The following GABRB1 variants were observed in gnomAD, a reference collection of about 807,000 sequenced individuals.
GABRB1 encodes the protein gamma-aminobutyric acid receptor subunit beta-1.
GABRB1 carries 17 observed loss-of-function variants against 51.6 expected under a neutral mutation model. That is an observed-to-expected ratio of 0.33 (90% CI 0.23 to 0.49). The LOEUF (loss-of-function observed/expected upper bound fraction) is 0.49. GABRB1 is among the 20% of genes least tolerant of loss of function. The pLI is 0.99. For synonymous variants in GABRB1, 247 were observed against 218.9 expected (o/e 1.13, Z -1.14); for missense variants, 410 against 600.6 (o/e 0.68, Z 3.32).
rs144621878 is a variant in GABRB1, at chr4:47,215,185, G to C, written c.461+53716G>C. On this transcript the variant is annotated intron_variant, in intron 4 of 8. Coordinates refer to ENST00000295454, the MANE Select transcript of GABRB1 (RefSeq NM_000812.4). ...GCTGGATGGGACACCCACAATAATG[G>C]GTGCTATTTATTACAAAATAAAAAT... is the stretch of plus-strand genomic sequence containing the variant. Among the ~76,000 whole-genome samples, 354 of 151,970 alleles carry C rather than the reference G, an allele frequency of 2.3e-3. 1 individual carries two copies. The highest frequency in any genetic ancestry group is 0.021 in the Admixed American group (317 of 15,228).
At chr4:47,246,265 G>T (rs1377101865) in intron 4 of GABRB1, among the ~76,000 whole-genome samples, 1 of 122,084 alleles carries the variant, frequency 8.2e-6, no homozygotes, top group Admixed American at 9.3e-5. Context: ...TCAGGGCTGA[G>T]TAGTATTCCA....
At chr4:47,064,641 CAAAAAAAAAAA>C (rs33963952) in intron 3 of GABRB1, among the ~76,000 whole-genome samples, 2 of 58,234 alleles carry the variant, frequency 3.4e-5, no homozygotes, top group African/African-American at 7.4e-5. Flanking sequence ...GACTCCATCT[CAAAAAAAAAAA>C]AAAAAAAAAA....
intron 5 of GABRB1, among the ~76,000 whole-genome samples, chr4:47,397,672 T>A (rs1362826747): frequency 1.3e-5 from 2 of 152,140 alleles, no homozygotes; most frequent in Non-Finnish European, 2.9e-5. Context: ...GTTCAAGCAA[T>A]TCTCCTCCTT....
chr4:47,358,509 G>A (rs900682715), intron 5 of GABRB1, among the ~76,000 whole-genome samples: 3 of 151,970 alleles, frequency 2.0e-5, no homozygotes, highest in African/African-American at 7.2e-5. Context: ...AGGCTACCAG[G>A]CCAGAGACCC....
At chr4:47,184,117 C>G (rs887242896) in intron 4 of GABRB1, among the ~76,000 whole-genome samples, 4 of 151,888 alleles carry the variant, frequency 2.6e-5, no homozygotes, top group Non-Finnish European at 1.5e-5. Context: ...GTGACCACAC[C>G]TGGTCACTCT....
chr4:47,138,396 C>T (rs899603498), intron 3 of GABRB1, among the ~76,000 whole-genome samples: 8 of 152,028 alleles, frequency 5.3e-5, no homozygotes, highest in African/African-American at 1.9e-4. Flanking sequence ...CACCCAAACC[C>T]TTTCCTTCAG....
intron 3 of GABRB1, among the ~76,000 whole-genome samples, chr4:47,060,090 G>A (rs977548666): frequency 2.6e-5 from 4 of 152,094 alleles, no homozygotes; most frequent in African/African-American, 9.7e-5. Context: ...ATTCTCTGGG[G>A]CACACACCTT....
At chr4:47,016,764 A>G in intron 1 of GABRB1, among the ~76,000 whole-genome samples, 1 of 151,748 alleles carries the variant, frequency 6.6e-6, no homozygotes, top group East Asian at 1.9e-4. Flanking sequence ...TAATTTTTGT[A>G]TTTTTAGTAG....
chr4:47,114,321 T>C (rs750871832), intron 3 of GABRB1, among the ~76,000 whole-genome samples: 13 of 152,184 alleles, frequency 8.5e-5, no homozygotes, highest in Non-Finnish European at 1.8e-4. Flanking sequence ...TTCTGGATTC[T>C]GGTTTTGATT....
intron 1 of GABRB1, among the ~76,000 whole-genome samples, chr4:47,013,285 C>T (rs4393975): frequency 0.97 from 148,040 of 152,254 alleles, 72,007 homozygotes; most frequent in East Asian, 1. Flanking sequence ...TTTAAAATTA[C>T]TTTTAGAAAT....
chr4:47,396,084 C>G (rs192589384), intron 5 of GABRB1, among the ~76,000 whole-genome samples: 1 of 152,084 alleles, frequency 6.6e-6, no homozygotes. Flanking sequence ...GATACACACC[C>G]GAGACTGGGC....
At chr4:47,019,619 T>C (rs201750487) in intron 1 of GABRB1, among the ~76,000 whole-genome samples, 122 of 108,086 alleles carry the variant, frequency 1.1e-3, no homozygotes, top group African/African-American at 3.3e-3. Context: ...CTTTCTTTCT[T>C]TCTCTCTCTT....
At chr4:47,074,206 A>G (rs1727457636) in intron 3 of GABRB1, among the ~76,000 whole-genome samples, 1 of 152,206 alleles carries the variant, frequency 6.6e-6, no homozygotes, top group Admixed American at 6.5e-5. Context: ...AAATACACTA[A>G]AAGATAGTAT....
At chr4:47,306,787 A>G (rs1156445933) in intron 4 of GABRB1, among the ~76,000 whole-genome samples, 2 of 152,238 alleles carry the variant, frequency 1.3e-5, no homozygotes, top group Middle Eastern at 3.4e-3. Flanking sequence ...AGACATACCC[A>G]TGTTCATACA....
At chr4:47,199,380 A>T (rs1368790392) in intron 4 of GABRB1, among the ~76,000 whole-genome samples, 1 of 152,184 alleles carries the variant, frequency 6.6e-6, no homozygotes, top group African/African-American at 2.4e-5. Flanking sequence ...AATATATGAA[A>T]TGTACGACTC....
At chr4:47,084,660 C>G (rs1365618308) in intron 3 of GABRB1, among the ~76,000 whole-genome samples, 1 of 152,158 alleles carries the variant, frequency 6.6e-6, no homozygotes, top group East Asian at 1.9e-4. Flanking sequence ...CCTTACCTAC[C>G]TGATTCTGAG....
intron 3 of GABRB1, among the ~76,000 whole-genome samples, chr4:47,073,684 C>A (rs1727434600): frequency 1.3e-5 from 2 of 152,158 alleles, no homozygotes; most frequent in African/African-American, 4.8e-5. Flanking sequence ...TGCCTTTAAG[C>A]TGCTAATAAT....
intron 4 of GABRB1, among the ~76,000 whole-genome samples, chr4:47,180,075 T>C (rs1718880376): frequency 6.6e-6 from 1 of 151,830 alleles, no homozygotes; most frequent in African/African-American, 2.4e-5. Flanking sequence ...TCAATCTCTT[T>C]GAACAGATAC....
chr4:47,294,910 C>T (rs1196492249), intron 4 of GABRB1, among the ~76,000 whole-genome samples: 1 of 152,172 alleles, frequency 6.6e-6, no homozygotes, highest in African/African-American at 2.4e-5. Flanking sequence ...TGAGACAAAA[C>T]TTCCAGAGGA....
Sources: gnomAD v4.1 joint callset for allele counts (sites outside exome capture counted in the v4.1 genomes callset) on GRCh38, gnomAD v4.1.1 for gene constraint, MANE v1.5 for transcripts, NCBI Gene and HGNC (gene_info 2026-07-23, HGNC 2026-07-21) for gene names.